Variants in CREBBP observed in about 807,000 individuals in gnomAD.
CREBBP encodes the protein CREB binding lysine acetyltransferase.
CREBBP carries 19 observed loss-of-function variants against 265.0 expected under a neutral mutation model. The ratio of observed to expected loss-of-function variants is 0.07; its 90% CI spans 0.05 to 0.11. The LOEUF (loss-of-function observed/expected upper bound fraction) is 0.11, where lower values mean the gene tolerates loss of function less well. Among genes scored for constraint, CREBBP ranks in the 10% least tolerant of loss-of-function variants. The pLI, the probability that CREBBP is intolerant of heterozygous loss-of-function variation, is 1.00. For synonymous variants in CREBBP, 1,457 were observed against 1,223.7 expected, an observed-to-expected ratio of 1.19 and a Z score of -3.98; for missense variants, 2,525 against 3,219.0, an observed-to-expected ratio of 0.78 and a Z score of 5.22.
At chr16:3,743,620 G>A (rs1415212019) in intron 23 of CREBBP, 1 of 152,234 alleles carries the variant, frequency 6.6e-6, no homozygotes, top group Non-Finnish European at 1.5e-5. Flanking sequence ...GCAAGTCAAT[G>A]TTAGAACACT....
chr16:3,844,039 T>A (rs1874412576), intron 2 of CREBBP, among the ~76,000 whole-genome samples: 1 of 146,324 alleles, frequency 6.8e-6, no homozygotes, highest in Non-Finnish European at 1.5e-5. Context: ...TCCCAGCTAC[T>A]TGGGAGGCTG....
intron 13 of CREBBP, among the ~76,000 whole-genome samples, chr16:3,771,819 TAA>T (rs1381915361): frequency 9.6e-5 from 13 of 135,796 alleles, no homozygotes; most frequent in African/African-American, 3.5e-4. Context: ...TTTTTTTTTT[TAA>T]AAAAAAAAAG....
intron 16 of CREBBP, among the ~76,000 whole-genome samples, chr16:3,764,947 ATG>A (rs1302689922): frequency 6.6e-6 from 1 of 151,264 alleles, no homozygotes; most frequent in Non-Finnish European, 1.5e-5. Context: ...CGTTTGGTAC[ATG>A]TGTGTGGTTT....
chr16:3,772,480 G>C (rs1024404570), intron 13 of CREBBP, among the ~76,000 whole-genome samples: 3 of 152,048 alleles, frequency 2.0e-5, no homozygotes, highest in African/African-American at 7.2e-5. Context: ...TAGAGCAGGG[G>C]TTGGCAATCT....
At chr16:3,764,968 GTTTTGTT>G (rs1446044564) in intron 16 of CREBBP, among the ~76,000 whole-genome samples, 211 of 148,694 alleles carry the variant, frequency 1.4e-3, no homozygotes, top group African/African-American at 4.9e-3. Flanking sequence ...TTTTTTTTTT[GTTTTGTT>G]TTTGTTTTTG....
intron 28 of CREBBP, among the ~76,000 whole-genome samples, chr16:3,733,978 G>A (rs1197251454): frequency 2.1e-4 from 32 of 152,138 alleles, no homozygotes. Context: ...AAATAAATAT[G>A]TTCATGAAAT....
chr16:3,821,831 A>G (rs983399004), intron 2 of CREBBP, among the ~76,000 whole-genome samples: 4 of 152,128 alleles, frequency 2.6e-5, no homozygotes, highest in African/African-American at 9.7e-5. Flanking sequence ...GGAGTTGGAG[A>G]CCCGCCTGGC....
intron 2 of CREBBP, among the ~76,000 whole-genome samples, chr16:3,816,718 T>C (rs1354391664): frequency 6.6e-6 from 1 of 152,184 alleles, no homozygotes; most frequent in African/African-American, 2.4e-5. Context: ...ACATAAATGT[T>C]TGTAATAATC....
At chr16:3,738,262 T>C (rs1474680521) in intron 26 of CREBBP, among the ~76,000 whole-genome samples, 1 of 147,468 alleles carries the variant, frequency 6.8e-6, no homozygotes, top group Non-Finnish European at 1.5e-5. Flanking sequence ...CACTGAATCA[T>C]ATATCCAAAA....
chr16:3,741,727 G>A (rs976742086), intron 23 of CREBBP: 1 of 151,690 alleles, frequency 6.6e-6, no homozygotes, highest in Non-Finnish European at 1.5e-5. Flanking sequence ...ATCACCTGAG[G>A]TCAGGAGTTC....
chr16:3,818,016 A>G (rs1376066848), intron 2 of CREBBP, among the ~76,000 whole-genome samples: 1 of 152,196 alleles, frequency 6.6e-6, no homozygotes, highest in East Asian at 1.9e-4. Flanking sequence ...CTTTGCAAAT[A>G]GTCCACTTCC....
intron 2 of CREBBP, among the ~76,000 whole-genome samples, chr16:3,816,045 C>G (rs1203134663): frequency 6.6e-6 from 1 of 152,028 alleles, no homozygotes; most frequent in Admixed American, 6.6e-5. Context: ...AACAACAGCC[C>G]ATACATATTA....
At chr16:3,732,795 G>A (rs1164357174) in intron 28 of CREBBP, among the ~76,000 whole-genome samples, 1 of 151,686 alleles carries the variant, frequency 6.6e-6, no homozygotes, top group Admixed American at 6.6e-5. Context: ...CTGCCTCCAA[G>A]GTTCAAGCGA....
chr16:3,825,819 T>C (rs187234251), intron 2 of CREBBP, among the ~76,000 whole-genome samples: 2 of 152,194 alleles, frequency 1.3e-5, no homozygotes, highest in African/African-American at 4.8e-5. Context: ...TTCAAAAGCA[T>C]AGAGAAAACT....
rs1174069554 is a variant in CREBBP, at chr16:3,728,722, C to A, written c.6325G>T (p.Val2109Leu). ...AFIKQRTAKY[V>L]ANQPGMQPQP... ...GGCTGCATGCCGGGCTGATTGGCCA[C>A]GTACTTGGCTGTGCGCTGTTTGATG... The change falls in exon 31 of 31, where the codon GTG becomes TTG. Residue 2109 changes from valine to leucine, a missense_variant. Val to Leu is a conservative substitution (Grantham distance 32). Coordinates refer to ENST00000262367, the MANE Select transcript of CREBBP (RefSeq NM_004380.3). The surrounding 1 kb of genome is among the most constrained non-coding windows in gnomAD (Gnocchi z 8.7). 1 of 1,613,802 alleles carries A rather than the reference C, an allele frequency of 6.2e-7. No homozygotes were observed. The highest frequency in any genetic ancestry group is 8.5e-7 in the Non-Finnish European group (1 of 1,179,982).
chr16:3,748,136 G>A (rs1212001309), intron 21 of CREBBP, among the ~76,000 whole-genome samples: 1 of 143,464 alleles, frequency 7.0e-6, no homozygotes, highest in Non-Finnish European at 1.5e-5. Flanking sequence ...TAAGTTAGCT[G>A]GGCGTGGTGG....
chr16:3,727,160 G>C lies in CREBBP; in HGVS notation c.*558C>G, dbSNP rs2051766120. 1 of 242,822 alleles carries C rather than the reference G, an allele frequency of 4.1e-6. No homozygotes were observed. The highest frequency in any genetic ancestry group is 5.2e-5 in the Admixed American group (1 of 19,180). 15.0% of individuals were successfully genotyped at this position (242,822 alleles called of 1,614,324 possible). A position where few individuals can be genotyped will look rare whatever the true frequency, so the allele number is the denominator to read the frequency against. On this transcript the variant is annotated 3_prime_UTR_variant, in exon 31 of 31. Coordinates refer to ENST00000262367, the MANE Select transcript of CREBBP (RefSeq NM_004380.3). ...TAGATGTGTGTGGGTGTGTACGTGT[G>C]TGCACGCCGGAGTCAATTCCTATCA... is the stretch of plus-strand genomic sequence containing the variant.
intron 6 of CREBBP, 143 bp downstream of exon 6, chr16:3,782,541 C>T: frequency 9.1e-7 from 1 of 1,098,694 alleles, no homozygotes; most frequent in Non-Finnish European, 1.3e-6. Flanking sequence ...TCAGATACTT[C>T]AGCTTTTTCC....
chr16:3,873,733 C>T (rs974025380), intron 1 of CREBBP, among the ~76,000 whole-genome samples: 1 of 152,164 alleles, frequency 6.6e-6, no homozygotes, highest in Non-Finnish European at 1.5e-5. Context: ...CAAACATGCT[C>T]TGGCCTCAGC....
Sources: gnomAD v4.1 joint callset for allele counts (sites outside exome capture counted in the v4.1 genomes callset) on GRCh38, gnomAD v4.1.1 for gene constraint, Gnocchi (gnomAD v3.1) non-coding constraint, MANE v1.5 for transcripts, NCBI Gene and HGNC (gene_info 2026-07-23, HGNC 2026-07-21) for gene names.